The following PTPRF variants were observed in gnomAD, a reference collection of about 807,000 sequenced individuals.
PTPRF encodes receptor-type tyrosine-protein phosphatase F.
A neutral mutation model predicts 201.8 loss-of-function variants in PTPRF; 59 were observed. The ratio of observed to expected loss-of-function variants is 0.29; its 90% CI spans 0.24 to 0.36. The LOEUF is 0.36. PTPRF is among the 10% of genes least tolerant of loss of function. The pLI is 1.00. For synonymous variants in PTPRF, 1,088 were observed against 1,089.7 expected, an observed-to-expected ratio of 1.00 and a Z score of 0.03; for missense variants, 2,132 against 2,690.5, an observed-to-expected ratio of 0.79 and a Z score of 4.59.
intron 13 of PTPRF, among the ~76,000 whole-genome samples, chr1:43,599,211 G>T (rs946596665): frequency 6.6e-6 from 1 of 152,170 alleles, no homozygotes; most frequent in African/African-American, 2.4e-5. Context: ...GAGTAGCTGG[G>T]ATTACAGGCG....
At chr1:43,602,815 C>A (rs1251389984) in intron 14 of PTPRF, among the ~76,000 whole-genome samples, 1 of 152,182 alleles carries the variant, frequency 6.6e-6, no homozygotes. Context: ...GCCAGTTCCC[C>A]AGGTGTGGAG....
chr1:43,610,641 A>G (rs1413104818), intron 22 of PTPRF, among the ~76,000 whole-genome samples: 1 of 152,208 alleles, frequency 6.6e-6, no homozygotes, highest in Non-Finnish European at 1.5e-5. Flanking sequence ...GCACTTTGGG[A>G]GGCTGAGCCG....
At chr1:43,615,882 C>T (rs1185902370) in intron 23 of PTPRF, among the ~76,000 whole-genome samples, 2 of 152,042 alleles carry the variant, frequency 1.3e-5, no homozygotes, top group Non-Finnish European at 2.9e-5. Context: ...TTGTCTTTAA[C>T]GTTCAGTCAG....
intron 11 of PTPRF, among the ~76,000 whole-genome samples, chr1:43,597,432 CTG>C (rs1033160190): frequency 2.6e-5 from 4 of 151,818 alleles, no homozygotes; most frequent in Admixed American, 2.6e-4. Flanking sequence ...CAGCGTGTGA[CTG>C]TGTGAGACGT....
At chr1:43,600,445 A>T (rs995799971) in intron 13 of PTPRF, among the ~76,000 whole-genome samples, 6 of 150,874 alleles carry the variant, frequency 4.0e-5, no homozygotes, top group Non-Finnish European at 5.9e-5. Flanking sequence ...GACACTGAAG[A>T]TGGAGGCCTG....
chr1:43,598,000 A>G lies in PTPRF; in HGVS notation c.2066A>G (p.Asp689Gly). Residue 689 changes from aspartate (D) to glycine (G), a missense_variant, in exon 12 of 34, where the codon GAC becomes GGC. By Grantham distance (94) the Asp-to-Gly change is moderately conservative. Coordinates refer to ENST00000359947, the MANE Select transcript of PTPRF (RefSeq NM_002840.5). ...EYRVWVRAHT[D>G]VGPGPESSPV... ...CGGGTGTGGGTGCGGGCACACACAG[A>G]CGTGGGCCCCGGCCCCGAGAGCAGC... The G allele has an allele frequency of 6.5e-7, 1 of 1,531,808 alleles. No individual in the cohort carries two copies. The highest frequency in any genetic ancestry group is 8.8e-7 in the Non-Finnish European group (1 of 1,133,108). 94.9% of individuals were successfully genotyped at this position (1,531,808 alleles called of 1,614,324 possible).
rs534993193 is a variant in PTPRF, at chr1:43,560,289, ATATT to A, written c.379+6350_379+6353del. 4.4e-3 allele frequency among the ~76,000 whole-genome samples: 670 copies of A among 150,674 alleles called. 5 individuals are homozygous for A. The highest frequency in any genetic ancestry group is 0.015 in the African/African-American group (613 of 40,864). ...TACATGCGCACACGCAACAGGCACT[ATATT>A]TGTGCAGCAGGCCATGTGTGTGGTG... On this transcript the variant is annotated intron_variant, in intron 5 of 33. Transcript: ENST00000359947.
Position 43,597,893 on chromosome 1 carries a change from C to T in PTPRF, c.1959C>T (p.Asp653=). 1.2e-6 allele frequency: 2 copies of T among 1,606,322 alleles called. No individual in the cohort carries two copies. The highest frequency in any genetic ancestry group is 1.7e-6 in the Non-Finnish European group (2 of 1,176,952). Reference sequence around the variant, plus strand: ...CCTACGAGGCGGTGGACGGCGAGGACCGCGGGCGGCATGTGGTGGATGGCA... The same window carrying T: ...CCTACGAGGCGGTGGACGGCGAGGATCGCGGGCGGCATGTGGTGGATGGCA... The part of the protein sequence containing the change: ...SVAYEAVDGE[D]RGRHVVDGIS... Residue 653 remains aspartate (D), a synonymous_variant, in exon 12 of 34, where the codon GAC becomes GAT. Transcript: ENST00000359947.
intron 11 of PTPRF, among the ~76,000 whole-genome samples, chr1:43,593,713 G>A (rs916176948): frequency 6.0e-5 from 4 of 66,400 alleles, no homozygotes; most frequent in South Asian, 4.0e-4. Context: ...GGCCAGGCAC[G>A]GTGGCTCACA....
intron 13 of PTPRF, among the ~76,000 whole-genome samples, chr1:43,601,332 C>T (rs531453191): frequency 4.9e-4 from 75 of 152,340 alleles, no homozygotes; most frequent in African/African-American, 1.7e-3. Context: ...ACTGCCAGCC[C>T]CGAAACATTC....
chr1:43,522,693 T>C (rs182862663), upstream of PTPRF, among the ~76,000 whole-genome samples: 1 of 148,386 alleles, frequency 6.7e-6, no homozygotes, highest in East Asian at 2.0e-4. Context: ...GTGAAGGAGG[T>C]GGGGTGGAAA....
intron 5 of PTPRF, among the ~76,000 whole-genome samples, chr1:43,566,720 G>A (rs770956820): frequency 4.6e-5 from 7 of 152,228 alleles, no homozygotes; most frequent in African/African-American, 7.2e-5. Context: ...CTGAGGGGCT[G>A]GAGCCCTCCT....
chr1:43,605,636 G>A lies in PTPRF; in HGVS notation c.3483+14G>A, dbSNP rs1187042581. 5.6e-6 allele frequency: 9 copies of A among 1,612,242 alleles called. No homozygotes were observed. The highest frequency in any genetic ancestry group is 1.7e-5 in the Admixed American group (1 of 60,024). On this transcript the variant is annotated intron_variant, in intron 19 of 33. Coordinates refer to ENST00000359947, the MANE Select transcript of PTPRF (RefSeq NM_002840.5). ...GAGCTGGACGAGGTACCTGGGGAGG[G>A]GATGGGGACACTGACAGCCCCATTG...
chr1:43,607,634 G>T (rs766546400), intron 21 of PTPRF, among the ~76,000 whole-genome samples: 9 of 152,174 alleles, frequency 5.9e-5, no homozygotes, highest in Non-Finnish European at 1.2e-4. Flanking sequence ...GGCTGCCCAC[G>T]TAAAGCCCAC....
chr1:43,544,663 G>A (rs532692524), intron 2 of PTPRF, among the ~76,000 whole-genome samples: 1 of 152,300 alleles, frequency 6.6e-6, no homozygotes, highest in East Asian at 1.9e-4. Flanking sequence ...CTGTTTCCCT[G>A]TCCTCTTATG....
At chr1:43,576,395 A>C (rs1465827093) in intron 6 of PTPRF, among the ~76,000 whole-genome samples, 1 of 152,212 alleles carries the variant, frequency 6.6e-6, no homozygotes, top group Non-Finnish European at 1.5e-5. Flanking sequence ...CCGTGGTAGA[A>C]TGAGGATCAT....
intron 23 of PTPRF, among the ~76,000 whole-genome samples, chr1:43,614,011 C>T (rs965439562): frequency 6.6e-6 from 1 of 152,168 alleles, no homozygotes; most frequent in African/African-American, 2.4e-5. Flanking sequence ...TGCTCACAGG[C>T]AGACACAAGG....
At chr1:43,586,861 A>G (rs1321596724) in intron 7 of PTPRF, among the ~76,000 whole-genome samples, 1 of 152,224 alleles carries the variant, frequency 6.6e-6, no homozygotes, top group Non-Finnish European at 1.5e-5. Context: ...GTTTCTGCGG[A>G]AGTCCAAAGG....
At chr1:43,615,333 G>A (rs1657495845) in intron 23 of PTPRF, among the ~76,000 whole-genome samples, 2 of 152,154 alleles carry the variant, frequency 1.3e-5, no homozygotes, top group African/African-American at 4.8e-5. Flanking sequence ...ACACTCATCT[G>A]TACCATGTCC....
Sources: gnomAD v4.1 joint callset for allele counts (sites outside exome capture counted in the v4.1 genomes callset) on GRCh38, gnomAD v4.1.1 for gene constraint, MANE v1.5 for transcripts, NCBI Gene and HGNC (gene_info 2026-07-23, HGNC 2026-07-21) for gene names.